AP3B2: variants seen among roughly 807,000 people sequenced by gnomAD.
AP3B2 encodes AP-3 complex subunit beta-2.
A neutral mutation model predicts 126.9 loss-of-function variants in AP3B2; 50 were observed. That is an observed-to-expected ratio of 0.39 (90% confidence interval 0.31 to 0.50). AP3B2 has a LOEUF of 0.50. Among genes scored for constraint, AP3B2 ranks in the 20% least tolerant of loss-of-function variants. The pLI is 0.79. For missense variants in AP3B2, 1,177 were observed against 1,426.4 expected, an observed-to-expected ratio of 0.83 and a Z score of 2.82; for synonymous variants, 541 against 565.0, an observed-to-expected ratio of 0.96 and a Z score of 0.60.
At chr15:82,699,383 C>T (rs1224428340) in intron 1 of AP3B2, 2 of 339,418 alleles carry the variant, frequency 5.9e-6, no homozygotes, top group African/African-American at 4.2e-5. Context: ...GGACCTCAAC[C>T]CTCAAATATT....
At position 82,677,358 on chromosome 15, in the gene AP3B2, G is replaced by C. The variant is rs371731114; in HGVS notation, c.1404C>G (p.Val468=). The stretch of plus-strand genomic sequence containing the variant: ...GCATCTGTAGCAATTTCTTAATGAC[G>C]ACCACTGACTCTGCAACCACAAGCT... ...RDELVVAESV[V]VIKKLLQMQP... is the part of the protein sequence containing the mutation. Residue 468 remains valine (V), a synonymous_variant, in exon 13 of 27, where the codon GTC becomes GTG. Transcript: ENST00000535359. The C allele has an allele frequency of 6.8e-6, 11 of 1,613,612 alleles. No homozygotes were observed. The highest frequency in any genetic ancestry group is 2.2e-5 in the South Asian group (2 of 91,012).
intron 14 of AP3B2, among the ~76,000 whole-genome samples, chr15:82,676,180 C>T (rs1431716): frequency 0.14 from 21,978 of 152,134 alleles, 1,713 homozygotes; most frequent in Non-Finnish European, 0.19. Context: ...TGTGGTTCTT[C>T]ACAGCCCCAG....
At chr15:82,707,611 T>A (rs1214733901) in intron 1 of AP3B2, among the ~76,000 whole-genome samples, 1 of 152,240 alleles carries the variant, frequency 6.6e-6, no homozygotes, top group African/African-American at 2.4e-5. Context: ...AACTCCCTCT[T>A]AAAGTAAATA....
At chr15:82,692,013 C>G in intron 1 of AP3B2, 2 of 1,464,994 alleles carry the variant, frequency 1.4e-6, no homozygotes, top group Non-Finnish European at 1.9e-6. Flanking sequence ...TCCTTCAGGT[C>G]CTGCCAGCTG....
chr15:82,694,107 G>C (rs2151454982), intron 1 of AP3B2, among the ~76,000 whole-genome samples: 1 of 152,092 alleles, frequency 6.6e-6, no homozygotes, highest in Middle Eastern at 3.4e-3. Context: ...GGGTTCAAGT[G>C]ATTCTCATGC....
chr15:82,679,990 G>A (rs2048305962), intron 9 of AP3B2, among the ~76,000 whole-genome samples, 185 bp downstream of exon 9: 1 of 151,990 alleles, frequency 6.6e-6, no homozygotes, highest in African/African-American at 2.4e-5. Context: ...TCCCCTCAGC[G>A]GCCCCTCAGG....
chr15:82,685,130 G>C (rs1037333289), intron 4 of AP3B2: 3 of 152,186 alleles, frequency 2.0e-5, no homozygotes, highest in African/African-American at 7.2e-5. Flanking sequence ...AGCATGGTTT[G>C]TGGCACCCCA....
chr15:82,708,639 T>C (rs1300581513), intron 1 of AP3B2: 1 of 152,278 alleles, frequency 6.6e-6, no homozygotes, highest in Non-Finnish European at 1.5e-5. Context: ...AAAATATAAA[T>C]CTGATTATGT....
rs1416963296 is a variant in AP3B2, at chr15:82,670,021, A to C, written c.1666-3088T>G. On this transcript the variant is annotated intron_variant, in intron 14 of 26. Transcript: ENST00000535359. ...TCCATCTCAAAAAAAAAAAAAAAAA[A>C]AAACCCATTGCACTCCAGCCTGGGC... Among the ~76,000 whole-genome samples the C allele has an allele frequency of 6.2e-5, 9 of 144,900 alleles. No individual in the cohort carries two copies. In the South Asian group the frequency reaches 1.3e-3, roughly 21 times the overall value.
At chr15:82,689,574 G>A (rs2048489132) in intron 1 of AP3B2, 121 bp from the exon 2 acceptor site, 2 of 831,016 alleles carry the variant, frequency 2.4e-6, no homozygotes, top group East Asian at 2.7e-5. Context: ...CCTGACCCGA[G>A]GAGGGACCAG....
rs915376674 is a variant in AP3B2 at position 82,709,756 on chromosome 15, C to T, written c.-50G>A. ...AGGAGGAGGTTGCGGGGCCGGAGGC[C>T]GGCTGGAGCGGAGGAAGGGAAGGCG... On this transcript the variant is annotated 5_prime_UTR_variant, in exon 1 of 27. Transcript: ENST00000535359. 1.5e-4 allele frequency: 210 copies of T among 1,389,728 alleles called. No individual in the cohort carries two copies. Among genetic ancestry groups the T allele is most frequent in the Non-Finnish European group, 1.9e-4 (200 of 1,056,956 alleles). 86.1% of individuals were successfully genotyped at this position (1,389,728 alleles called of 1,614,324 possible).
intron 4 of AP3B2, chr15:82,688,344 C>G (rs75803445): frequency 1.5e-6 from 1 of 683,540 alleles, no homozygotes; most frequent in Admixed American, 2.1e-5. Context: ...GGGATTCAGG[C>G]CACTGCTAAA....
intron 1 of AP3B2, among the ~76,000 whole-genome samples, chr15:82,694,256 C>T (rs953014556): frequency 1.2e-4 from 18 of 152,052 alleles, no homozygotes; most frequent in African/African-American, 2.7e-4. Context: ...TTGCCTCCTT[C>T]GGCCTCCCAA....
intron 14 of AP3B2, among the ~76,000 whole-genome samples, chr15:82,668,423 T>C (rs536055261): frequency 1.2e-4 from 18 of 152,370 alleles, no homozygotes; most frequent in African/African-American, 4.3e-4. Flanking sequence ...GGCTAGTGGA[T>C]GCCCTTACCA....
rs1012976691 is a variant in AP3B2, at chr15:82,681,293, T to G, written c.522-115A>C. On this transcript the variant is annotated intron_variant, in intron 5 of 26. Coordinates refer to ENST00000535359, the MANE Select transcript of AP3B2 (RefSeq NM_001278512.2). The surrounding 1 kb of genome is among the most constrained non-coding windows in gnomAD (Gnocchi z 4.0). Reference sequence around the variant, plus strand: ...GCCTTATTGTTCTCCTCCATCTCTGTCAGTCCCCCAAACTACCCTCCTCAA... The same window carrying G: ...GCCTTATTGTTCTCCTCCATCTCTGGCAGTCCCCCAAACTACCCTCCTCAA... 6.6e-7 allele frequency: 1 copy of G among 1,519,622 alleles called. No individual in the cohort carries two copies. The highest frequency in any genetic ancestry group is 8.9e-7 in the Non-Finnish European group (1 of 1,117,752). The allele number at this position is 1,519,622 out of a possible 1,614,324, so 94.1% of individuals were successfully genotyped here.
Position 82,663,192 on chromosome 15 carries a change from C to A in AP3B2, c.2539G>T (p.Val847Leu), listed in dbSNP as rs777762220. The change falls in exon 22 of 27, where the codon GTG becomes TTG. Residue 847 changes from valine (V) to leucine (L), a missense_variant. By Grantham distance (32) the Val-to-Leu change is conservative. This residue lies in a region of AP3B2 where 587 missense variants were observed against 571.3 expected (regional missense o/e 1.03). Transcript: ENST00000535359. The part of the protein sequence containing the change: ...SVQPVSPPAI[V>L]STSLAADLEG... ...AGGTCAGCAGCCAGACTGGTAGACA[C>A]AATTGCTGGGGGAGACACAGGCTGG... The A allele has an allele frequency of 4.3e-6, 7 of 1,613,104 alleles. No homozygotes were observed. The highest frequency in any genetic ancestry group is 1.1e-5 in the South Asian group (1 of 90,940).
chr15:82,705,530 G>A lies in AP3B2; in HGVS notation c.113+4064C>T, dbSNP rs189300484. Among the ~76,000 whole-genome samples, 243 of 152,056 alleles carry A rather than the reference G, an allele frequency of 1.6e-3. 1 individual carries two copies. Among genetic ancestry groups the A allele is most frequent in the African/African-American group, 5.7e-3 (235 of 41,470 alleles). ...AACATGCTTTCTTTACTATTCATTTGCACCCTTCATCTCAGCCTCTCTTCG... is the reference window on the plus strand; with the variant it reads ...AACATGCTTTCTTTACTATTCATTTACACCCTTCATCTCAGCCTCTCTTCG... On this transcript the variant is annotated intron_variant, in intron 1 of 26. Coordinates refer to ENST00000535359, the MANE Select transcript of AP3B2 (RefSeq NM_001278512.2).
At chr15:82,671,104 G>A (rs925738583) in intron 14 of AP3B2, among the ~76,000 whole-genome samples, 2 of 151,972 alleles carry the variant, frequency 1.3e-5, no homozygotes, top group South Asian at 2.1e-4. Flanking sequence ...CCAACACAGC[G>A]AAACCCCATC....
intron 14 of AP3B2, among the ~76,000 whole-genome samples, chr15:82,670,554 C>T (rs1207336620): frequency 2.6e-5 from 4 of 152,232 alleles, no homozygotes; most frequent in Non-Finnish European, 4.4e-5. Context: ...AAAATCAAAT[C>T]ATAGTGGATT....
Sources: allele counts gnomAD v4.1 joint callset (sites outside exome capture counted in the v4.1 genomes callset), GRCh38; gene constraint gnomAD v4.1.1; regional missense constraint gnomAD v4.1.1; non-coding constraint Gnocchi (gnomAD v3.1); transcripts MANE v1.5; gene names NCBI Gene and HGNC (gene_info 2026-07-23, HGNC 2026-07-21).